MKNK1: variants seen among roughly 807,000 people sequenced by gnomAD.
MKNK1 encodes MAP kinase-interacting serine/threonine-protein kinase 1.
In MKNK1, 30 loss-of-function variants were observed where a neutral mutation model predicts 49.3. That is an observed-to-expected ratio of 0.61 (90% CI 0.46 to 0.83). MKNK1 has a LOEUF of 0.83. MKNK1 is among the 40% of genes least tolerant of loss of function. The pLI, the probability that MKNK1 is intolerant of heterozygous loss-of-function variation, is 0.00. For synonymous variants in MKNK1, 176 were observed against 201.7 expected, an observed-to-expected ratio of 0.87 and a Z score of 1.08; for missense variants, 423 against 524.7, an observed-to-expected ratio of 0.81 and a Z score of 1.89.
intron 4 of MKNK1, among the ~76,000 whole-genome samples, chr1:46,578,423 C>T (rs553201541): frequency 6.6e-6 from 1 of 152,204 alleles, no homozygotes; most frequent in South Asian, 2.1e-4. Flanking sequence ...AAGCCAGAGT[C>T]CAGTGTTTGC....
chr1:46,577,527 A>G (rs75240490), intron 4 of MKNK1, among the ~76,000 whole-genome samples: 6,320 of 152,288 alleles, frequency 0.042, 165 homozygotes, highest in African/African-American at 0.079. Flanking sequence ...ATTTATTTAC[A>G]TAATCTCAGT....
rs145784021 is a variant in MKNK1 at position 46,591,666 on chromosome 1, C to T, written c.-3+2447G>A. ...CGCAGCCCACGAGGCTCTCCAACCC[C>T]AAGCCCCTGTCTACCTTCCAGCCTC... On this transcript the variant is annotated intron_variant, in intron 2 of 12. Coordinates refer to ENST00000371945, the MANE Select transcript of MKNK1 (RefSeq NM_001135553.4). 8.6e-4 allele frequency among the ~76,000 whole-genome samples: 131 copies of T among 152,338 alleles called. 1 individual carries two copies. The highest frequency in any genetic ancestry group is 6.0e-3 in the East Asian group (31 of 5,182).
chr1:46,575,304 A>G (rs921626056), intron 5 of MKNK1: 13 of 310,188 alleles, frequency 4.2e-5, no homozygotes, highest in Non-Finnish European at 6.5e-5. Flanking sequence ...GTTATAAAAA[A>G]GTCCCGGTCA....
intron 12 of MKNK1, 130 bp downstream of exon 12, chr1:46,560,104 A>G: frequency 1.0e-6 from 1 of 967,576 alleles, no homozygotes. Flanking sequence ...GAGAGTGAGG[A>G]GGGGAAATGG....
intron 10 of MKNK1, among the ~76,000 whole-genome samples, chr1:46,562,090 T>C (rs537934168): frequency 2.0e-5 from 3 of 152,258 alleles, no homozygotes; most frequent in Admixed American, 1.3e-4. Flanking sequence ...CAGGGCAGGA[T>C]GCACCCTTTA....
intron 9 of MKNK1, among the ~76,000 whole-genome samples, chr1:46,564,425 C>G (rs1260627685): frequency 6.7e-6 from 1 of 148,626 alleles, no homozygotes; most frequent in Non-Finnish European, 1.5e-5. Flanking sequence ...TCCATTTTCA[C>G]CTGGGTCAGG....
rs2148732931 is a variant in MKNK1 at position 46,589,035 on chromosome 1, T to C, written c.-3+5078A>G. ...CTGCTGTGAGGATCAAATAAGAGAC[T>C]AGAAGTGAAAGCACCACTGACTTAC... On this transcript the variant is annotated intron_variant, in intron 2 of 12. Coordinates refer to ENST00000371945, the MANE Select transcript of MKNK1 (RefSeq NM_001135553.4). The surrounding 1 kb of genome is among the most constrained non-coding windows in gnomAD (Gnocchi z 4.3). Among the ~76,000 whole-genome samples, 1 of 152,290 alleles carries C rather than the reference T, an allele frequency of 6.6e-6. No homozygotes were observed. The highest frequency in any genetic ancestry group is 6.5e-5 in the Admixed American group (1 of 15,286).
intron 7 of MKNK1, among the ~76,000 whole-genome samples, chr1:46,570,932 A>C (rs1410562398): frequency 1.3e-5 from 2 of 152,238 alleles, no homozygotes; most frequent in Admixed American, 1.3e-4. Flanking sequence ...TGTTAACTAC[A>C]GTCGATGATG....
intron 4 of MKNK1, among the ~76,000 whole-genome samples, chr1:46,578,376 G>A (rs2148674228): frequency 6.6e-6 from 1 of 152,264 alleles, no homozygotes; most frequent in East Asian, 1.9e-4. Context: ...GGGGAGAGAA[G>A]AAACATGGGC....
chr1:46,572,930 AG>A (rs907444198), intron 6 of MKNK1, among the ~76,000 whole-genome samples: 27 of 152,154 alleles, frequency 1.8e-4, no homozygotes, highest in African/African-American at 6.3e-4. Flanking sequence ...GCCTGGGAAA[AG>A]GGGGGAAAAA....
chr1:46,560,358 A>T, intron 11 of MKNK1, 81 bp from the exon 12 acceptor site: 2 of 1,433,866 alleles, frequency 1.4e-6, no homozygotes, highest in Non-Finnish European at 2.0e-6. Flanking sequence ...AGCAGTGGGT[A>T]GGTTACTATA....
rs935011496 is a variant in MKNK1, at chr1:46,558,178, C to T, written c.*397G>A. 1.1e-5 allele frequency: 2 copies of T among 176,668 alleles called. No homozygotes were observed. Among genetic ancestry groups the T allele is most frequent in the Non-Finnish European group, 1.2e-5 (1 of 83,536 alleles). 10.9% of individuals were successfully genotyped at this position (176,668 alleles called of 1,614,324 possible). A position where few individuals can be genotyped will look rare whatever the true frequency, so the allele number is the denominator to read the frequency against. ...TGACAGAGAAGAGAGGGAAGAGGCACGTGTCGGCAGCCTCTGTCAACTGAT... is the reference window on the plus strand; with the variant it reads ...TGACAGAGAAGAGAGGGAAGAGGCATGTGTCGGCAGCCTCTGTCAACTGAT... On this transcript the variant is annotated 3_prime_UTR_variant, in exon 13 of 13. Coordinates refer to ENST00000371945, the MANE Select transcript of MKNK1 (RefSeq NM_001135553.4).
intron 2 of MKNK1, among the ~76,000 whole-genome samples, chr1:46,590,956 C>T (rs1009226673): frequency 1.3e-5 from 2 of 152,156 alleles, no homozygotes; most frequent in African/African-American, 2.4e-5. Context: ...CTGAGCTTGC[C>T]TTGTATTTTG....
intron 11 of MKNK1, among the ~76,000 whole-genome samples, 165 bp from the exon 12 acceptor site, chr1:46,560,442 G>C (rs1667748431): frequency 6.6e-6 from 1 of 152,190 alleles, no homozygotes; most frequent in Admixed American, 6.5e-5. Context: ...GAGCAAGAAA[G>C]GTACAATCTG....
At chr1:46,566,933 G>T (rs1176844796) in intron 8 of MKNK1, among the ~76,000 whole-genome samples, 1 of 152,158 alleles carries the variant, frequency 6.6e-6, no homozygotes, top group Non-Finnish European at 1.5e-5. Flanking sequence ...TCTGTAGATT[G>T]TCTTTTCACT....
chr1:46,579,737 T>C (rs1282640650), intron 4 of MKNK1, among the ~76,000 whole-genome samples: 1 of 152,196 alleles, frequency 6.6e-6, no homozygotes, highest in Non-Finnish European at 1.5e-5. Context: ...CCAGCTCTTC[T>C]TCCATGTGGA....
At position 46,567,959 on chromosome 1, in the gene MKNK1, TA is replaced by T. The variant is rs538703852; in HGVS notation, c.513+483del. On this transcript the variant is annotated intron_variant, in intron 8 of 12. Transcript: ENST00000371945. ...AACATGGTGAAACCCCTGTCTCTACTAAAAATACAAAAATTAGCCAGGTGTG... is the reference window on the plus strand; with the variant it reads ...AACATGGTGAAACCCCTGTCTCTACTAAAATACAAAAATTAGCCAGGTGTG... Among the ~76,000 whole-genome samples the T allele has an allele frequency of 5.3e-5, 8 of 152,130 alleles. No individual in the cohort carries two copies. The South Asian group carries it at 1.7e-3, about 32-fold the overall frequency.
chr1:46,586,301 C>T (rs1002961433), intron 2 of MKNK1: 1 of 264,512 alleles, frequency 3.8e-6, no homozygotes, highest in East Asian at 8.5e-5. Context: ...AACCCTTTTG[C>T]AGCTCCCTGA....
chr1:46,587,623 G>A (rs1672758623), intron 2 of MKNK1, among the ~76,000 whole-genome samples: 1 of 152,102 alleles, frequency 6.6e-6, no homozygotes, highest in Admixed American at 6.5e-5. Context: ...TTTGAGACCA[G>A]CCTGACCAAC....
Sources: allele counts gnomAD v4.1 joint callset (sites outside exome capture counted in the v4.1 genomes callset), GRCh38; gene constraint gnomAD v4.1.1; non-coding constraint Gnocchi (gnomAD v3.1); transcripts MANE v1.5; gene names NCBI Gene and HGNC (gene_info 2026-07-23, HGNC 2026-07-21).